Variants in KCNH7 observed in about 807,000 individuals in gnomAD.
The protein encoded by KCNH7 is potassium voltage-gated channel subfamily H member 7, also known as voltage-gated inwardly rectifying potassium channel KCNH7.
KCNH7 carries 49 observed loss-of-function variants against 120.8 expected under a neutral mutation model. The ratio of observed to expected loss-of-function variants is 0.41; its 90% CI spans 0.32 to 0.51. The LOEUF (loss-of-function observed/expected upper bound fraction) is 0.51, where lower values mean the gene tolerates loss of function less well. KCNH7 is among the 20% of genes least tolerant of loss of function. KCNH7 has a pLI of 0.38. For missense variants in KCNH7, 1,097 were observed against 1,446.6 expected (o/e 0.76, Z 3.92); for synonymous variants, 547 against 516.1 (o/e 1.06, Z -0.81).
At chr2:162,752,950 AAAG>A (rs1688632257) in intron 2 of KCNH7, among the ~76,000 whole-genome samples, 1 of 108,324 alleles carries the variant, frequency 9.2e-6, no homozygotes, top group Non-Finnish European at 1.7e-5. Context: ...AAAGAAAAGA[AAAG>A]AAAAGAAAAG....
At chr2:162,378,236 G>A (rs1686284358) in intron 14 of KCNH7, among the ~76,000 whole-genome samples, 1 of 152,118 alleles carries the variant, frequency 6.6e-6, no homozygotes, top group Non-Finnish European at 1.5e-5. Flanking sequence ...TAGCATCATG[G>A]GTAGGTATGA....
chr2:162,384,499 T>A (rs190374251), intron 13 of KCNH7, among the ~76,000 whole-genome samples, 189 bp downstream of exon 13: 1 of 152,136 alleles, frequency 6.6e-6, no homozygotes, highest in Admixed American at 6.6e-5. Flanking sequence ...TGTTTGGGAA[T>A]AATTACCACT....
At chr2:162,793,479 A>G (rs565912904) in intron 2 of KCNH7, among the ~76,000 whole-genome samples, 1 of 152,218 alleles carries the variant, frequency 6.6e-6, no homozygotes, top group Non-Finnish European at 1.5e-5. Flanking sequence ...TAAGAAATCA[A>G]TTCATTTTAT....
At chr2:162,451,559 C>T (rs905027820) in intron 6 of KCNH7, among the ~76,000 whole-genome samples, 5 of 151,874 alleles carry the variant, frequency 3.3e-5, no homozygotes, top group Non-Finnish European at 4.4e-5. Flanking sequence ...TGGGGTAATT[C>T]AGTGATGTTT....
intron 2 of KCNH7, among the ~76,000 whole-genome samples, chr2:162,696,752 A>G (rs1037736302): frequency 7.9e-5 from 12 of 152,176 alleles, no homozygotes; most frequent in South Asian, 2.1e-4. Context: ...AACTGGTCAA[A>G]TCGTATGAAA....
chr2:162,608,115 T>C (rs1354007884), intron 2 of KCNH7, among the ~76,000 whole-genome samples: 2 of 152,146 alleles, frequency 1.3e-5, no homozygotes, highest in Non-Finnish European at 2.9e-5. Context: ...GTTTACAAAG[T>C]ATGTTTACAA....
At chr2:162,750,351 A>C (rs1574339568) in intron 2 of KCNH7, among the ~76,000 whole-genome samples, 3 of 152,256 alleles carry the variant, frequency 2.0e-5, no homozygotes, top group South Asian at 2.1e-4. Flanking sequence ...AATTTAAAAA[A>C]TAAAAAAAAC....
chr2:162,441,371 T>A (rs760470110), intron 7 of KCNH7, among the ~76,000 whole-genome samples: 7 of 152,184 alleles, frequency 4.6e-5, no homozygotes. Flanking sequence ...AATTCATCTA[T>A]CAGACTAATA....
In KCNH7 at chr2:162,752,903, A is replaced by AAAAAGAAAAG. The variant is rs1332067169; in HGVS notation, c.307+83624_307+83633dup. On this transcript the variant is annotated intron_variant, in intron 2 of 15. Coordinates refer to ENST00000332142, the MANE Select transcript of KCNH7 (RefSeq NM_033272.4). Reference sequence around the variant, plus strand: ...GCAAAAGAGCAAGACTACATCTCAGAAAAAGAAAAGAAAAGAAAAGAAAAG... The same window carrying AAAAAGAAAAG: ...GCAAAAGAGCAAGACTACATCTCAGAAAAAGAAAAGAAAAGAAAAGAAAAGAAAAGAAAAG... Among the ~76,000 whole-genome samples the AAAAAGAAAAG allele has an allele frequency of 2.2e-4, 7 of 32,080 alleles. 2 individuals are homozygous for AAAAAGAAAAG. The highest frequency in any genetic ancestry group is 3.5e-4 in the African/African-American group (7 of 20,106). The allele number at this position is 32,080 out of a possible 152,430, so 21.0% of individuals were successfully genotyped here.
At chr2:162,539,164 C>G (rs907115234) in intron 2 of KCNH7, among the ~76,000 whole-genome samples, 4 of 152,086 alleles carry the variant, frequency 2.6e-5, no homozygotes, top group African/African-American at 9.7e-5. Context: ...CAATTTAAGA[C>G]TGTTCTATTA....
intron 2 of KCNH7, among the ~76,000 whole-genome samples, chr2:162,682,237 G>C (rs1574260278): frequency 6.6e-6 from 1 of 151,628 alleles, no homozygotes; most frequent in Admixed American, 6.6e-5. Context: ...GTCCATAGGT[G>C]CCAGGTACTG....
chr2:162,652,599 C>T (rs1424595433), intron 2 of KCNH7, among the ~76,000 whole-genome samples: 1 of 152,170 alleles, frequency 6.6e-6, no homozygotes, highest in Non-Finnish European at 1.5e-5. Flanking sequence ...TCTAATGCCA[C>T]CACTGATCTG....
chr2:162,612,656 G>GAATCAGCA (rs1683009275), intron 2 of KCNH7, among the ~76,000 whole-genome samples: 1 of 151,714 alleles, frequency 6.6e-6, no homozygotes, highest in Non-Finnish European at 1.5e-5. Context: ...ATATGGAGAA[G>GAATCAGCA]AATCAGCAAA....
chr2:162,627,608 G>T lies in KCNH7; in HGVS notation c.308-90528C>A, dbSNP rs1212425380. 2.0e-5 allele frequency among the ~76,000 whole-genome samples: 3 copies of T among 152,078 alleles called. 1 individual carries two copies. Among genetic ancestry groups the T allele is most frequent in the Middle Eastern group, 6.3e-3 (2 of 316 alleles). ...AACTGAAGGCTATGAGACTATGATT[G>T]ATTTTCATATTTCATGACTTATACA... On this transcript the variant is annotated intron_variant, in intron 2 of 15. Coordinates refer to ENST00000332142, the MANE Select transcript of KCNH7 (RefSeq NM_033272.4).
chr2:162,660,089 G>A (rs998090748), intron 2 of KCNH7, among the ~76,000 whole-genome samples: 2 of 151,790 alleles, frequency 1.3e-5, no homozygotes, highest in Non-Finnish European at 2.9e-5. Flanking sequence ...TTGTTTCATC[G>A]GTTTTCCTCT....
intron 2 of KCNH7, among the ~76,000 whole-genome samples, chr2:162,621,738 T>C (rs1683366637): frequency 6.6e-6 from 1 of 152,172 alleles, no homozygotes; most frequent in South Asian, 2.1e-4. Flanking sequence ...GGCTGAACTT[T>C]TTATATAACA....
At chr2:162,436,457 C>T (rs753934685) in intron 7 of KCNH7, among the ~76,000 whole-genome samples, 8 of 151,926 alleles carry the variant, frequency 5.3e-5, no homozygotes, top group Admixed American at 5.3e-4. Context: ...TATTACTGAC[C>T]GGGTATCTAA....
chr2:162,826,064 AT>A (rs1685275831), intron 2 of KCNH7, among the ~76,000 whole-genome samples: 2 of 152,062 alleles, frequency 1.3e-5, no homozygotes, highest in Admixed American at 1.3e-4. Context: ...GAAATCCTGT[AT>A]CAGCATGTGA....
intron 2 of KCNH7, among the ~76,000 whole-genome samples, chr2:162,733,953 C>T (rs1027958105): frequency 4.6e-5 from 7 of 152,152 alleles, no homozygotes; most frequent in Non-Finnish European, 1.0e-4. Context: ...CTCATTTAAA[C>T]CACCAGCATT....
Sources: gnomAD v4.1 joint callset for allele counts (sites outside exome capture counted in the v4.1 genomes callset) on GRCh38, gnomAD v4.1.1 for gene constraint, MANE v1.5 for transcripts, NCBI Gene and HGNC (gene_info 2026-07-23, HGNC 2026-07-21) for gene names.